The following REST variants were observed in gnomAD, a reference collection of about 807,000 sequenced individuals.
REST encodes the protein RE1-silencing transcription factor.
Under a neutral mutation model 30.4 loss-of-function variants are expected in REST, and 1 was observed. That is an observed-to-expected ratio of 0.03 (90% CI 0.01 to 0.16). The LOEUF (loss-of-function observed/expected upper bound fraction) is 0.16. REST is among the 10% of genes least tolerant of loss of function. The pLI is 1.00. For missense variants in REST, 1,259 were observed against 1,329.5 expected, an observed-to-expected ratio of 0.95 and a Z score of 0.82; for synonymous variants, 504 against 451.1, an observed-to-expected ratio of 1.12 and a Z score of -1.49.
intron 3 of REST, among the ~76,000 whole-genome samples, chr4:56,920,592 GTC>G (rs1466156835): frequency 9.2e-5 from 14 of 151,796 alleles, no homozygotes; most frequent in Admixed American, 9.2e-4. Flanking sequence ...GAGAAATCCT[GTC>G]TCTACTAAAA....
chr4:56,930,453 G>A lies in REST; in HGVS notation c.1595G>A (p.Gly532Asp), dbSNP rs141001113. Residue 532 changes from glycine to aspartate, a missense_variant, in exon 4 of 4, where the codon GGT becomes GAT. By Grantham distance (94) the Gly-to-Asp change is moderately conservative. Transcript: ENST00000309042. ...GAAGTTGACAGCCATTCTTTACATG[G>A]TCCTGTGAATGATGAGGAATCTTCA... is the stretch of plus-strand genomic sequence containing the variant. ...KLEVDSHSLH[G>D]PVNDEESSTK... 1.4e-5 allele frequency: 22 copies of A among 1,613,502 alleles called. 1 individual carries two copies. The African/African-American group carries it at 2.7e-4, about 20-fold the overall frequency.
chr4:56,918,971 T>C (rs1381916875), intron 2 of REST, among the ~76,000 whole-genome samples: 1 of 150,686 alleles, frequency 6.6e-6, no homozygotes, highest in East Asian at 1.9e-4. Flanking sequence ...ATCCCCATGC[T>C]CAGCCCAGGC....
chr4:56,920,341 T>C (rs992782066), intron 3 of REST, among the ~76,000 whole-genome samples: 1 of 150,852 alleles, frequency 6.6e-6, no homozygotes. Flanking sequence ...TGCAAAAGTT[T>C]AGCTTGAAAA....
At chr4:56,915,503 CT>C (rs1367649848) in intron 2 of REST, among the ~76,000 whole-genome samples, 1 of 152,104 alleles carries the variant, frequency 6.6e-6, no homozygotes, top group African/African-American at 2.4e-5. Context: ...TGACCTCGGC[CT>C]CTCAAGGTGC....
At chr4:56,917,010 A>G (rs972506181) in intron 2 of REST, among the ~76,000 whole-genome samples, 1 of 146,870 alleles carries the variant, frequency 6.8e-6, no homozygotes, top group African/African-American at 2.5e-5. Context: ...GCACATCCTT[A>G]GCAATAATAC....
rs189111666 is a variant in REST, at chr4:56,915,964, G to T, written c.899-3823G>T. Among the ~76,000 whole-genome samples the T allele has an allele frequency of 1.2e-3, 189 of 152,302 alleles. 7 individuals carry two copies. The East Asian group carries it at 0.026, about 21-fold the overall frequency. ...CAAGTATCATTTATAGCCGTTCCAC[G>T]ATGGCTCACGCCTGTAATCCTAGCA... On this transcript the variant is annotated intron_variant, in intron 2 of 3. Transcript: ENST00000309042.
chr4:56,911,170 A>T lies in REST; in HGVS notation c.532A>T (p.Ile178Phe), dbSNP rs766763031. ...ATCTGAAGAACAGTTTGTGCATCAC[A>T]TCAGAGTTCACAGTGCTAAGAAATT... ...AESEEQFVHHIRVHSAKKFFV... is the reference protein window; with the variant it reads ...AESEEQFVHHFRVHSAKKFFV... Residue 178 changes from isoleucine to phenylalanine, a missense_variant, in exon 2 of 4, where the codon ATC (isoleucine) becomes TTC (phenylalanine). Around this residue, in one of 5 missense-constraint regions of REST, gnomAD observed 249 missense variants for 251.5 expected, o/e 0.99. Transcript: ENST00000309042. The T allele has an allele frequency of 1.4e-5, 22 of 1,614,108 alleles. No individual in the cohort carries two copies. The highest frequency in any genetic ancestry group is 1.9e-5 in the Non-Finnish European group (22 of 1,180,046).
intron 3 of REST, 77 bp from the exon 4 acceptor site, chr4:56,929,764 C>A: frequency 1.5e-6 from 2 of 1,290,512 alleles, no homozygotes; most frequent in Non-Finnish European, 2.1e-6. Flanking sequence ...TGTTACTTTA[C>A]ATATACAGTT....
chr4:56,933,509 A>G lies in REST; in HGVS notation c.*1357A>G, dbSNP rs1231822677. 6.6e-6 allele frequency: 1 copy of G among 152,218 alleles called. No individual in the cohort carries two copies. Among genetic ancestry groups the G allele is most frequent in the Non-Finnish European group, 1.5e-5 (1 of 68,032 alleles). The allele number at this position is 152,218 out of a possible 1,614,324, so 9.4% of individuals were successfully genotyped here. ...CCTATACAGTGAAAAAGGCTGGTGA[A>G]ACAAGTACAGTCCAGATTTTTTAAA... On this transcript the variant is annotated 3_prime_UTR_variant, in exon 4 of 4. Transcript: ENST00000309042.
Position 56,931,686 on chromosome 4 carries a change from T to A in REST, c.2828T>A (p.Ile943Lys). ...AATGGTAAACATCAGACTGACAGTA[T>A]AGTTTGTGAAATGAAAATGGACACT... ...TLNGKHQTDSIVCEMKMDTDQ... is the reference protein window; with the variant it reads ...TLNGKHQTDSKVCEMKMDTDQ... Residue 943 changes from isoleucine to lysine, a missense_variant, in exon 4 of 4, where the codon ATA becomes AAA. Around this residue, in one of 5 missense-constraint regions of REST, gnomAD observed 856 missense variants for 772.8 expected, o/e 1.11. Coordinates refer to ENST00000309042, the MANE Select transcript of REST (RefSeq NM_005612.5). The A allele has an allele frequency of 6.2e-7, 1 of 1,614,194 alleles. No individual in the cohort carries two copies. The highest frequency in any genetic ancestry group is 8.5e-7 in the Non-Finnish European group (1 of 1,180,028).
chr4:56,911,120 G>C lies in REST; in HGVS notation c.482G>C (p.Cys161Ser). 1 of 1,614,238 alleles carries C rather than the reference G, an allele frequency of 6.2e-7. No individual in the cohort carries two copies. Residue 161 changes from cysteine (C) to serine (S), a missense_variant, in exon 2 of 4, where the codon TGT becomes TCT. Physicochemically the swap from Cys to Ser is moderately radical, Grantham distance 112 (BLOSUM62 -1). Transcript: ENST00000309042. ...AGCTCGAAGACCAAACCCTTTCGCT[G>C]TAAGCCATGCCAATATGAAGCAGAA... is the stretch of plus-strand genomic sequence containing the variant. The part of the protein sequence containing the change: ...GKSSKTKPFR[C>S]KPCQYEAESE...
intron 1 of REST, 41 bp downstream of exon 1, chr4:56,908,254 G>T: frequency 5.6e-6 from 1 of 177,916 alleles, no homozygotes. Context: ...CAGGGTGGGG[G>T]AGGGCCGCCC....
At chr4:56,912,339 C>CTTT (rs11318390) in intron 2 of REST, among the ~76,000 whole-genome samples, 20 of 112,700 alleles carry the variant, frequency 1.8e-4, no homozygotes, top group African/African-American at 4.3e-4. Context: ...AAAGTTGAAA[C>CTTT]TTTTTTTTTT....
chr4:56,922,580 T>C (rs977690517), intron 3 of REST, among the ~76,000 whole-genome samples: 4 of 152,204 alleles, frequency 2.6e-5, no homozygotes, highest in African/African-American at 9.6e-5. Flanking sequence ...CCCAACGTGC[T>C]GGGATTACAG....
At position 56,920,843 on chromosome 4, in the gene REST, G is replaced by A. The variant is rs180912234; in HGVS notation, c.982+973G>A. On this transcript the variant is annotated intron_variant, in intron 3 of 3. Coordinates refer to ENST00000309042, the MANE Select transcript of REST (RefSeq NM_005612.5). ...AATGGGTAGCCCTGATTGACTCTTG[G>A]TGAACTACCACTTTTACTTTTTATT... Among the ~76,000 whole-genome samples the A allele has an allele frequency of 9.2e-5, 14 of 152,196 alleles. No individual in the cohort carries two copies. In the East Asian group the frequency reaches 2.7e-3, roughly 29 times the overall value.
At position 56,911,313 on chromosome 4, in the gene REST, T is replaced by C. The variant is rs745728845; in HGVS notation, c.675T>C (p.Thr225=). Residue 225 remains threonine, a synonymous_variant, in exon 2 of 4, where the codon ACT becomes ACC. Coordinates refer to ENST00000309042, the MANE Select transcript of REST (RefSeq NM_005612.5). ...GCTGTGACCGCTGCGGCTACAATAC[T>C]AATCGATATGATCACTATACAGCAC... ...PIRCDRCGYN[T]NRYDHYTAHL... 8.7e-6 allele frequency: 14 copies of C among 1,614,140 alleles called. No homozygotes were observed. The highest frequency in any genetic ancestry group is 2.2e-5 in the East Asian group (1 of 44,872).
rs1169375776 is a variant in REST, at chr4:56,930,926, C to T, written c.2068C>T (p.Pro690Ser). 4 of 1,613,294 alleles carry T rather than the reference C, an allele frequency of 2.5e-6. No homozygotes were observed. The African/African-American group carries it at 5.4e-5, about 22-fold the overall frequency. The change falls in exon 4 of 4, where the codon CCC becomes TCC. Residue 690 changes from proline (P) to serine (S), a missense_variant. Pro to Ser is a moderately conservative substitution (Grantham distance 74, BLOSUM62 -1). Around this residue, in one of 5 missense-constraint regions of REST, gnomAD observed 856 missense variants for 772.8 expected, o/e 1.11. Coordinates refer to ENST00000309042, the MANE Select transcript of REST (RefSeq NM_005612.5). ...IVLAHMELPP[P>S]METAQTEVAQ... ...ACTTGCTCACATGGAGCTGCCTCCT[C>T]CCATGGAGACTGCTCAGACGGAGGT...
At chr4:56,928,115 A>G (rs1450251935) in intron 3 of REST, among the ~76,000 whole-genome samples, 1 of 151,986 alleles carries the variant, frequency 6.6e-6, no homozygotes, top group Non-Finnish European at 1.5e-5. Context: ...TTTTATTTTT[A>G]TTTATTTTTG....
chr4:56,917,418 G>A (rs1275380119), intron 2 of REST, among the ~76,000 whole-genome samples: 1 of 152,134 alleles, frequency 6.6e-6, no homozygotes, highest in Admixed American at 6.6e-5. Context: ...TCGGCCTTCT[G>A]GGCTCAAATG....
Sources: gnomAD v4.1 joint callset for allele counts (sites outside exome capture counted in the v4.1 genomes callset) on GRCh38, gnomAD v4.1.1 for gene constraint, gnomAD v4.1.1 regional missense constraint, MANE v1.5 for transcripts, NCBI Gene and HGNC (gene_info 2026-07-23, HGNC 2026-07-21) for gene names.